CASK: variants seen among roughly 807,000 people sequenced by gnomAD.
CASK encodes the protein calcium/calmodulin dependent serine protein kinase, also known as peripheral plasma membrane protein CASK.
A neutral mutation model predicts 82.9 loss-of-function variants in CASK; 4 were observed. That is an observed-to-expected ratio of 0.05 (90% CI 0.02 to 0.11). The LOEUF is 0.11. CASK is among the 10% of genes least tolerant of loss of function. The pLI is 1.00. For synonymous variants in CASK, 259 were observed against 253.5 expected (o/e 1.02, Z -0.20); for missense variants, 358 against 720.9 (o/e 0.50, Z 5.76).
chrX:41,760,153 C>G lies in CASK; in HGVS notation c.279-14552G>C, dbSNP rs945192833. 3.2e-4 allele frequency among the ~76,000 whole-genome samples: 36 copies of G among 112,177 alleles called. 1 individual carries two copies. The highest frequency in any genetic ancestry group is 1.0e-3 in the African/African-American group (32 of 30,859). ...AGAAAAAAAGCAAGGCAGATAAGAG[C>G]AATAGCCCCTATTCTGTTCTAGCTT... is the stretch of plus-strand genomic sequence containing the variant. On this transcript the variant is annotated intron_variant, in intron 3 of 26. Coordinates refer to ENST00000378163, the MANE Select transcript of CASK (RefSeq NM_001367721.1).
chrX:41,822,557 C>CAAAAAAAAAAAAAAA (rs61374081), intron 2 of CASK, among the ~76,000 whole-genome samples: 24 of 50,671 alleles, frequency 4.7e-4, no homozygotes, highest in Non-Finnish European at 5.5e-4. Flanking sequence ...GACTCCGTCT[C>CAAAAAAAAAAAAAAA]AAAAAAAAAA....
At chrX:41,741,858 T>C (rs2068602669) in intron 4 of CASK, among the ~76,000 whole-genome samples, 1 of 112,135 alleles carries the variant, frequency 8.9e-6, no homozygotes, top group Admixed American at 9.5e-5. Flanking sequence ...TGAAGCATCA[T>C]AGAGACCTGT....
intron 12 of CASK, among the ~76,000 whole-genome samples, chrX:41,601,257 A>G (rs752412622): frequency 9.0e-6 from 1 of 111,604 alleles, no homozygotes; most frequent in East Asian, 2.8e-4. Context: ...GGCAAATTTT[A>G]TGTTATATAT....
At chrX:41,635,682 T>C (rs903260822) in intron 9 of CASK, 2 of 107,816 alleles carry the variant, frequency 1.9e-5, no homozygotes, top group Non-Finnish European at 3.8e-5. Flanking sequence ...TATGGGGTGA[T>C]TACCAGTTTT....
intron 1 of CASK, among the ~76,000 whole-genome samples, chrX:41,891,604 C>T (rs1275996251): frequency 1.8e-5 from 2 of 111,472 alleles, no homozygotes; most frequent in East Asian, 5.6e-4. Context: ...TTTTATACTC[C>T]TCCCTCTTTA....
chrX:41,884,143 C>A (rs2148031381), intron 1 of CASK, among the ~76,000 whole-genome samples: 1 of 112,270 alleles, frequency 8.9e-6, no homozygotes, highest in African/African-American at 3.2e-5. Context: ...CCAGGGCCTG[C>A]CAAATGGGCC....
Position 41,794,817 on chromosome X carries a change from C to G in CASK, c.173-7534G>C, listed in dbSNP as rs112376793. On this transcript the variant is annotated intron_variant, in intron 2 of 26. Transcript: ENST00000378163. ...TATGTCAAAGAAAAAAAATGTTCTT[C>G]ACATACCTGTGCTTTATACTTTCAT... Among the ~76,000 whole-genome samples, 356 of 112,492 alleles carry G rather than the reference C, an allele frequency of 3.2e-3. 2 individuals are homozygous for G. The highest frequency in any genetic ancestry group is 0.011 in the African/African-American group (344 of 31,024).
chrX:41,819,956 G>A (rs1259259315), intron 2 of CASK, among the ~76,000 whole-genome samples: 2 of 112,090 alleles, frequency 1.8e-5, no homozygotes, highest in Non-Finnish European at 3.8e-5. Context: ...AAAACCTGCA[G>A]ACAATACCTA....
intron 3 of CASK, among the ~76,000 whole-genome samples, chrX:41,766,181 C>A (rs2069111926): frequency 8.9e-6 from 1 of 111,937 alleles, no homozygotes; most frequent in Non-Finnish European, 1.9e-5. Context: ...TTTAAAATTT[C>A]TTTAAAACCC....
intron 5 of CASK, among the ~76,000 whole-genome samples, chrX:41,683,657 G>A (rs1397599352): frequency 9.0e-6 from 1 of 111,397 alleles, no homozygotes; most frequent in Admixed American, 9.5e-5. Flanking sequence ...AAGGCTTCCA[G>A]GAGTAGTTAA....
intron 2 of CASK, among the ~76,000 whole-genome samples, chrX:41,826,564 T>C (rs963957616): frequency 2.7e-5 from 3 of 111,706 alleles, no homozygotes; most frequent in Non-Finnish European, 5.6e-5. Flanking sequence ...TTCTGCCTCC[T>C]GGGTTCAAGC....
At chrX:41,687,188 G>A (rs967641036) in intron 5 of CASK, among the ~76,000 whole-genome samples, 3 of 112,171 alleles carry the variant, frequency 2.7e-5, no homozygotes, top group Admixed American at 9.4e-5. Flanking sequence ...TAGAATGCAC[G>A]TAGTTAAATG....
intron 1 of CASK, among the ~76,000 whole-genome samples, chrX:41,874,174 A>C (rs2071766534): frequency 9.9e-6 from 1 of 101,064 alleles, no homozygotes; most frequent in Non-Finnish European, 2.1e-5. Flanking sequence ...ATAACAGACT[A>C]GATTTTTTTT....
intron 2 of CASK, among the ~76,000 whole-genome samples, chrX:41,809,277 G>A (rs777969596): frequency 2.7e-5 from 3 of 112,169 alleles, no homozygotes; most frequent in Non-Finnish European, 3.8e-5. Flanking sequence ...ATCTGAGAAC[G>A]GACAGACTGC....
intron 22 of CASK, among the ~76,000 whole-genome samples, chrX:41,538,076 C>T (rs1295211120): frequency 2.7e-5 from 3 of 110,407 alleles, no homozygotes; most frequent in Non-Finnish European, 3.8e-5. Flanking sequence ...GAACTCCTGG[C>T]CTCAAGTGAT....
chrX:41,814,589 C>T (rs1003180745), intron 2 of CASK, among the ~76,000 whole-genome samples: 3 of 54,936 alleles, frequency 5.5e-5, no homozygotes, highest in Non-Finnish European at 9.6e-5. Context: ...CGGGGCCTGT[C>T]GTTGGGTGGA....
At chrX:41,546,494 GTC>G (rs1569298005) in intron 21 of CASK, among the ~76,000 whole-genome samples, 1 of 112,111 alleles carries the variant, frequency 8.9e-6, no homozygotes, top group Admixed American at 9.5e-5. Context: ...TTAAGACAGA[GTC>G]TCTCTCTGTT....
chrX:41,623,777 C>T (rs1389586109), intron 10 of CASK, among the ~76,000 whole-genome samples: 2 of 111,359 alleles, frequency 1.8e-5, no homozygotes, highest in East Asian at 2.8e-4. Flanking sequence ...GATGCACTCA[C>T]GGCTTACTGC....
intron 2 of CASK, among the ~76,000 whole-genome samples, chrX:41,831,554 A>T (rs1374818284): frequency 8.9e-6 from 1 of 112,292 alleles, no homozygotes; most frequent in Non-Finnish European, 1.9e-5. Flanking sequence ...ACAAGCACAA[A>T]ACTGCTTCTG....
Sources: gnomAD v4.1 joint callset for allele counts (sites outside exome capture counted in the v4.1 genomes callset) on GRCh38, gnomAD v4.1.1 for gene constraint, MANE v1.5 for transcripts, NCBI Gene and HGNC (gene_info 2026-07-23, HGNC 2026-07-21) for gene names.